POLR3E: variants seen among roughly 807,000 people sequenced by gnomAD.
POLR3E encodes the protein RNA polymerase III subunit E, also known as DNA-directed RNA polymerase III subunit RPC5.
In POLR3E, 41 loss-of-function variants were observed where a neutral mutation model predicts 96.6. The ratio of observed to expected loss-of-function variants is 0.42; its 90% CI spans 0.33 to 0.55. The LOEUF is 0.55. Among genes scored for constraint, POLR3E ranks in the 20% least tolerant of loss-of-function variants. The probability of loss-of-function intolerance (pLI) is 0.06; values close to 1 mark genes in which losing one functional copy is unlikely to be tolerated. For synonymous variants in POLR3E, 396 were observed against 383.6 expected, an observed-to-expected ratio of 1.03 and a Z score of -0.38; for missense variants, 849 against 952.1, an observed-to-expected ratio of 0.89 and a Z score of 1.43.
At chr16:22,326,314 TG>T (rs747051319) in intron 18 of POLR3E, 36 bp downstream of exon 18, 9 of 210,384 alleles carry the variant, frequency 4.3e-5, no homozygotes, top group East Asian at 3.3e-4. Context: ...GCATGGGGGG[TG>T]GGGGGTGGGG....
At chr16:22,315,056 T>C in intron 8 of POLR3E, 33 bp from the exon 9 acceptor site, 2 of 1,609,802 alleles carry the variant, frequency 1.2e-6, no homozygotes, top group Non-Finnish European at 1.7e-6. Context: ...GTCACAGGCC[T>C]GACGGTATGA....
intron 19 of POLR3E, chr16:22,328,807 G>A (rs2048668493): frequency 1.9e-6 from 1 of 528,954 alleles, no homozygotes; most frequent in Non-Finnish European, 3.4e-6. Context: ...GCCAGTCTGT[G>A]AGCCAGCTCC....
rs4454964 is a variant in POLR3E at position 22,314,316 on chromosome 16, T to G, written c.522+188T>G. On this transcript the variant is annotated intron_variant, in intron 8 of 20. Transcript: ENST00000299853. ...CTATACACAAGATGGAAGCCCTGGC[T>G]GGATCCAGGAGATGTGTGCCTGGGG... Among the ~76,000 whole-genome samples, 1,066 of 152,270 alleles carry G rather than the reference T, an allele frequency of 7.0e-3. 10 individuals are homozygous for G. Among genetic ancestry groups the G allele is most frequent in the African/African-American group, 0.023 (958 of 41,562 alleles).
In POLR3E at chr16:22,315,166, C is replaced by T. The variant is rs374894089; in HGVS notation, c.600C>T (p.His200=). 301 of 1,607,856 alleles carry T rather than the reference C, an allele frequency of 1.9e-4. No homozygotes were observed. Among genetic ancestry groups the T allele is most frequent in the Admixed American group, 4.1e-4 (24 of 59,152 alleles). ...VQSYEFLQKK[H]AEEPWVHLHY... is the part of the protein sequence containing the mutation. ...CCTATGAGTTCCTGCAGAAGAAGCA[C>T]GCAGAGGAGCCCTGGGTCCACCTGC... Residue 200 remains histidine, a synonymous_variant, in exon 9 of 21, where the codon CAC becomes CAT. Coordinates refer to ENST00000299853, the MANE Select transcript of POLR3E (RefSeq NM_018119.4).
intron 1 of POLR3E, among the ~76,000 whole-genome samples, chr16:22,301,556 G>T (rs2048021329): frequency 6.6e-6 from 1 of 152,110 alleles, no homozygotes; most frequent in Non-Finnish European, 1.5e-5. Flanking sequence ...ACTTCAACCT[G>T]GGTGACAGAG....
In POLR3E at chr16:22,316,179, T is replaced by C. The variant is rs1268796006; in HGVS notation, c.643-422T>C. ...ACTGCTGTTTCCTGCTGTGTGACCT[T>C]GGGCATGTTAGCTAACCTCTCTGAG... On this transcript the variant is annotated intron_variant, in intron 9 of 20. Transcript: ENST00000299853. 2.0e-5 allele frequency among the ~76,000 whole-genome samples: 3 copies of C among 152,198 alleles called. No homozygotes were observed. The East Asian group carries it at 5.8e-4, about 29-fold the overall frequency.
At chr16:22,325,550 G>A (rs2048563143) in intron 17 of POLR3E, among the ~76,000 whole-genome samples, 1 of 152,156 alleles carries the variant, frequency 6.6e-6, no homozygotes, top group Non-Finnish European at 1.5e-5. Context: ...CGGAAGAGCT[G>A]CTGGGGGGAG....
Position 22,313,964 on chromosome 16 carries a change from C to T in POLR3E, c.473-115C>T. 1 of 918,562 alleles carries T rather than the reference C, an allele frequency of 1.1e-6. No individual in the cohort carries two copies. Among genetic ancestry groups the T allele is most frequent in the Non-Finnish European group, 1.8e-6 (1 of 561,548 alleles). The allele number at this position is 918,562 out of a possible 1,614,324, so 56.9% of individuals were successfully genotyped here. On this transcript the variant is annotated intron_variant, in intron 7 of 20. Transcript: ENST00000299853. The surrounding 1 kb of genome is among the most constrained non-coding windows in gnomAD (Gnocchi z 4.1). ...TGAGAACCACTGGCTTAGGCAGCTC[C>T]CTCTGCGAGGAGAACTCCCAGCACC...
In POLR3E at chr16:22,322,966, G is replaced by A. The variant is rs1355894473; in HGVS notation, c.1068+35G>A. ...TTGGGTTCTCTGGACTCACGGTGGG[G>A]GCGTGGGAAGAGGGGGGCAGCGGTG... On this transcript the variant is annotated intron_variant, in intron 14 of 20. Coordinates refer to ENST00000299853, the MANE Select transcript of POLR3E (RefSeq NM_018119.4). The surrounding 1 kb of genome is among the most constrained non-coding windows in gnomAD (Gnocchi z 5.2). 1.4e-6 allele frequency: 2 copies of A among 1,464,550 alleles called. No individual in the cohort carries two copies. The highest frequency in any genetic ancestry group is 2.3e-5 in the South Asian group (2 of 86,026). 90.7% of individuals were successfully genotyped at this position (1,464,550 alleles called of 1,614,324 possible). A position where few individuals can be genotyped will look rare whatever the true frequency, so the allele number is the denominator to read the frequency against.
chr16:22,300,869 A>G (rs775058043), intron 1 of POLR3E, among the ~76,000 whole-genome samples: 2 of 152,174 alleles, frequency 1.3e-5, no homozygotes, highest in Non-Finnish European at 2.9e-5. Context: ...ACATGTATTG[A>G]GTGCCTGCTG....
intron 13 of POLR3E, among the ~76,000 whole-genome samples, chr16:22,320,560 C>G (rs544384553): frequency 6.6e-6 from 1 of 152,298 alleles, no homozygotes; most frequent in Non-Finnish European, 1.5e-5. Context: ...CGTGCCCGGC[C>G]TGGTGTATTT....
intron 19 of POLR3E, among the ~76,000 whole-genome samples, chr16:22,330,947 C>G (rs2048724568): frequency 7.7e-6 from 1 of 129,700 alleles, no homozygotes; most frequent in Non-Finnish European, 1.6e-5. Context: ...ATTTGCCTCT[C>G]AAAATTCTAG....
At chr16:22,315,357 C>T (rs2048332459) in intron 9 of POLR3E, 149 bp downstream of exon 9, 1 of 825,130 alleles carries the variant, frequency 1.2e-6, no homozygotes, top group South Asian at 1.9e-5. Context: ...GTTTACACTT[C>T]ACTCCAGCCG....
intron 18 of POLR3E, chr16:22,326,531 G>A (rs2048599098): frequency 3.5e-6 from 2 of 563,688 alleles, no homozygotes; most frequent in Non-Finnish European, 6.4e-6. Flanking sequence ...TGCCTGGCCT[G>A]CAGCAGGGCC....
intron 1 of POLR3E, among the ~76,000 whole-genome samples, chr16:22,298,588 G>A (rs1340588984): frequency 9.2e-5 from 14 of 152,002 alleles, no homozygotes; most frequent in Non-Finnish European, 2.9e-5. Flanking sequence ...TTTGTTCTCG[G>A]GTCCAAGCTC....
In POLR3E at chr16:22,326,283, G is replaced by GT; in HGVS notation, c.1866+6dup. 4.7e-6 allele frequency: 5 copies of GT among 1,074,764 alleles called. No homozygotes were observed. The highest frequency in any genetic ancestry group is 6.5e-6 in the Non-Finnish European group (5 of 772,502). The allele number at this position is 1,074,764 out of a possible 1,614,324, so 66.6% of individuals were successfully genotyped here. A position where few individuals can be genotyped will look rare whatever the true frequency, so the allele number is the denominator to read the frequency against. ...TGCAAGCAGATACTGGTGCCTGTAA[G>GT]TAGAGCCCTGCCTGCCAGGGGCATG... On this transcript the variant is annotated splice_donor_region_variant and intron_variant, in intron 18 of 20. Coordinates refer to ENST00000299853, the MANE Select transcript of POLR3E (RefSeq NM_018119.4).
At position 22,313,845 on chromosome 16, in the gene POLR3E, C is replaced by G; in HGVS notation, c.472+118C>G. 1 of 743,368 alleles carries G rather than the reference C, an allele frequency of 1.3e-6. No homozygotes were observed. Among genetic ancestry groups the G allele is most frequent in the Non-Finnish European group, 2.3e-6 (1 of 439,710 alleles). 46.0% of individuals were successfully genotyped at this position (743,368 alleles called of 1,614,324 possible). On this transcript the variant is annotated intron_variant, in intron 7 of 20. Transcript: ENST00000299853. The surrounding 1 kb of genome is among the most constrained non-coding windows in gnomAD (Gnocchi z 4.1). ...TAGCAGGATCCCTGGCCTCTACCTA[C>G]TAGATGCCAGAAGCACCCACCCCAC...
At chr16:22,303,288 T>TA (rs1416074519) in intron 2 of POLR3E, among the ~76,000 whole-genome samples, 3 of 152,104 alleles carry the variant, frequency 2.0e-5, no homozygotes, top group Non-Finnish European at 4.4e-5. Flanking sequence ...TCTCTGCCCT[T>TA]ACCTTGGCGG....
chr16:22,297,694 G>T (rs2047922651), intron 1 of POLR3E, among the ~76,000 whole-genome samples, 157 bp downstream of exon 1: 1 of 152,252 alleles, frequency 6.6e-6, no homozygotes, highest in Admixed American at 6.5e-5. Flanking sequence ...AGGAGGGGCA[G>T]CCGGCTCCAG....
Sources: allele counts gnomAD v4.1 joint callset (sites outside exome capture counted in the v4.1 genomes callset), GRCh38; gene constraint gnomAD v4.1.1; non-coding constraint Gnocchi (gnomAD v3.1); transcripts MANE v1.5; gene names NCBI Gene and HGNC (gene_info 2026-07-23, HGNC 2026-07-21).